TMEM44: variants seen among roughly 807,000 people sequenced by gnomAD.
The protein encoded by TMEM44 is transmembrane protein 44.
A neutral mutation model predicts 47.8 loss-of-function variants in TMEM44; 43 were observed. The observed-to-expected ratio is 0.90, with a 90% CI of 0.70 to 1.16. The LOEUF (loss-of-function observed/expected upper bound fraction) is 1.16. Ranked by LOEUF, TMEM44 falls within the 50% of genes most tolerant of loss-of-function variation. The pLI, the probability that TMEM44 is intolerant of heterozygous loss-of-function variation, is 0.00. For missense variants in TMEM44, 568 were observed against 555.2 expected (o/e 1.02, Z -0.23); for synonymous variants, 277 against 238.8 (o/e 1.16, Z -1.48).
rs569172402 is a variant in TMEM44, at chr3:194,597,590, G to A, written c.1176+6697C>T. On this transcript the variant is annotated intron_variant, in intron 9 of 9. Transcript: ENST00000347147. ...CAGGAGAATCGCTTGGACCTGGGAG[G>A]TGGAGGTTGCCCTGAGCCGAGATTG... 9.5e-4 allele frequency among the ~76,000 whole-genome samples: 144 copies of A among 151,644 alleles called. 2 individuals are homozygous for A. In the South Asian group the frequency reaches 0.02, roughly 22 times the overall value.
chr3:194,605,991 A>G lies in TMEM44; in HGVS notation c.1018-1546T>C, dbSNP rs190929918. Among the ~76,000 whole-genome samples, 543 of 152,314 alleles carry G rather than the reference A, an allele frequency of 3.6e-3. 5 individuals carry two copies. The highest frequency in any genetic ancestry group is 0.012 in the African/African-American group (509 of 41,572). On this transcript the variant is annotated intron_variant, in intron 8 of 9. Transcript: ENST00000347147. The stretch of plus-strand genomic sequence containing the variant: ...CAAAGGCAGCATTCTGGAAGCAGGA[A>G]CACAGGTGAGGGGCCACCCTGCTTC...
chr3:194,604,053 C>T (rs539697042), intron 9 of TMEM44, among the ~76,000 whole-genome samples: 19 of 152,116 alleles, frequency 1.2e-4, no homozygotes, highest in Non-Finnish European at 1.8e-4. Flanking sequence ...AAGGTTTTGC[C>T]ATGTTGGCCA....
chr3:194,605,364 C>T (rs915565698), intron 8 of TMEM44, among the ~76,000 whole-genome samples: 8 of 152,200 alleles, frequency 5.3e-5, no homozygotes, highest in South Asian at 4.1e-4. Context: ...CACTAATTAA[C>T]CATGTGATCT....
chr3:194,633,181 C>T lies in TMEM44; in HGVS notation c.35G>A (p.Trp12Ter). The change falls in exon 1 of 10, where the codon TGG becomes TAG. Residue 12 changes from tryptophan to a stop codon, truncating the protein, a stop_gained. Transcript: ENST00000347147. LOFTEE classifies it high-confidence loss of function. Reference protein sequence around the residue: ...GEAPSPAPALWDWDYLDRCFA... With the variant: ...GEAPSPAPAL ...GCAGCGGTCCAGGTAGTCCCAGTCC[C>T]AGAGCGCGGGCGCGGGGCTGGGCGC... 1.3e-6 allele frequency: 2 copies of T among 1,534,294 alleles called. No homozygotes were observed. Among genetic ancestry groups the T allele is most frequent in the Non-Finnish European group, 1.8e-6 (2 of 1,140,224 alleles).
chr3:194,608,804 A>G (rs1204832786), intron 8 of TMEM44, among the ~76,000 whole-genome samples: 1 of 152,150 alleles, frequency 6.6e-6, no homozygotes, highest in African/African-American at 2.4e-5. Context: ...CAGGTTCCCA[A>G]AGTATTAGGA....
rs924794502 is a variant in TMEM44, at chr3:194,611,701, T to C, written c.913-681A>G. ...TGTGGTTCTCTAACCTTGATGCACA[T>C]CAGAAGCACCCTGTGGGTTTTGCTA... On this transcript the variant is annotated intron_variant, in intron 7 of 9. Coordinates refer to ENST00000347147, the MANE Select transcript of TMEM44 (RefSeq NM_001011655.3). The surrounding 1 kb of genome is among the most constrained non-coding windows in gnomAD (Gnocchi z 4.2). Among the ~76,000 whole-genome samples the C allele has an allele frequency of 6.6e-6, 1 of 152,030 alleles. No individual in the cohort carries two copies. Among genetic ancestry groups the C allele is most frequent in the Admixed American group, 6.6e-5 (1 of 15,248 alleles).
rs183863409 is a variant in TMEM44, at chr3:194,619,538, G to A, written c.613-2269C>T. Among the ~76,000 whole-genome samples, 11 of 152,338 alleles carry A rather than the reference G, an allele frequency of 7.2e-5. No individual in the cohort carries two copies. The East Asian group carries it at 1.5e-3, about 21-fold the overall frequency. On this transcript the variant is annotated intron_variant, in intron 5 of 9. Transcript: ENST00000347147. ...TCAGCACAACGCTTCACTCATCAGT[G>A]GGTGTTTCGTACCCCTGTCCCATTC...
At chr3:194,590,519 C>A (rs1317087841) in intron 9 of TMEM44, among the ~76,000 whole-genome samples, 1 of 152,214 alleles carries the variant, frequency 6.6e-6, no homozygotes, top group Non-Finnish European at 1.5e-5. Flanking sequence ...GCCTACGTGA[C>A]CCACCTGCCC....
chr3:194,606,419 C>A (rs1198624064), intron 8 of TMEM44, among the ~76,000 whole-genome samples: 1 of 152,126 alleles, frequency 6.6e-6, no homozygotes, highest in African/African-American at 2.4e-5. Flanking sequence ...CAGTCTTGCC[C>A]ATTGGGATAT....
intron 9 of TMEM44, among the ~76,000 whole-genome samples, chr3:194,596,073 T>C (rs1263536257): frequency 2.0e-5 from 3 of 151,868 alleles, no homozygotes; most frequent in African/African-American, 7.3e-5. Flanking sequence ...GCTGGCTGGG[T>C]GCATGGGGAA....
At chr3:194,619,255 C>G (rs3845907) in intron 5 of TMEM44, among the ~76,000 whole-genome samples, 13 of 151,986 alleles carry the variant, frequency 8.6e-5, no homozygotes, top group Admixed American at 2.0e-4. Context: ...GTCCTGGGGC[C>G]GACCCTGAAA....
intron 6 of TMEM44, chr3:194,616,631 G>A (rs1023579618): frequency 1.1e-5 from 5 of 456,374 alleles, no homozygotes; most frequent in African/African-American, 2.0e-5. Flanking sequence ...GCCTGCAGAC[G>A]GCGTGGCCCT....
chr3:194,600,531 G>A (rs372390806), intron 9 of TMEM44, among the ~76,000 whole-genome samples: 4 of 151,984 alleles, frequency 2.6e-5, no homozygotes, highest in Non-Finnish European at 5.9e-5. Context: ...GGCAGGTCAC[G>A]AGGTCAGGAG....
chr3:194,632,715 T>C (rs1717946003), intron 1 of TMEM44, among the ~76,000 whole-genome samples: 1 of 152,172 alleles, frequency 6.6e-6, no homozygotes, highest in South Asian at 2.1e-4. Context: ...AATCCTCCCA[T>C]CATCCTATGA....
intron 9 of TMEM44, among the ~76,000 whole-genome samples, chr3:194,599,947 A>T (rs7374603): frequency 0.43 from 65,081 of 151,640 alleles, 14,726 homozygotes; most frequent in East Asian, 0.77. Flanking sequence ...TTTAGTTGAG[A>T]TGGGGTTTGA....
At chr3:194,607,482 T>C (rs1714898981) in intron 8 of TMEM44, among the ~76,000 whole-genome samples, 1 of 152,182 alleles carries the variant, frequency 6.6e-6, no homozygotes, top group African/African-American at 2.4e-5. Flanking sequence ...ATTTATCAAG[T>C]GTTTACTTGG....
At chr3:194,596,856 T>C (rs1169119801) in intron 9 of TMEM44, 1 of 152,242 alleles carries the variant, frequency 6.6e-6, no homozygotes, top group African/African-American at 2.4e-5. Flanking sequence ...GCATACTTTT[T>C]TCCCAGAACG....
intron 8 of TMEM44, among the ~76,000 whole-genome samples, chr3:194,607,347 C>T (rs1225704649): frequency 2.6e-5 from 4 of 152,168 alleles, no homozygotes; most frequent in Non-Finnish European, 4.4e-5. Flanking sequence ...TCTAAATTAC[C>T]CAGCCTCAGG....
At chr3:194,599,548 A>G (rs1222025722) in intron 9 of TMEM44, among the ~76,000 whole-genome samples, 1 of 149,712 alleles carries the variant, frequency 6.7e-6, no homozygotes, top group Non-Finnish European at 1.5e-5. Flanking sequence ...CACATTTTTT[A>G]CACTTCGCAA....
Sources: allele counts gnomAD v4.1 joint callset (sites outside exome capture counted in the v4.1 genomes callset), GRCh38; gene constraint gnomAD v4.1.1; non-coding constraint Gnocchi (gnomAD v3.1); transcripts MANE v1.5; gene names NCBI Gene and HGNC (gene_info 2026-07-23, HGNC 2026-07-21).